GNG2: variants seen among roughly 807,000 people sequenced by gnomAD.
The protein encoded by GNG2 is G protein subunit gamma 2.
GNG2 carries 5 observed loss-of-function variants against 5.5 expected under a neutral mutation model. The observed-to-expected ratio is 0.91, with a 90% CI of 0.48 to 1.92. The LOEUF (loss-of-function observed/expected upper bound fraction) is 1.92. GNG2 is among the 30% of genes most tolerant of loss of function. The probability of loss-of-function intolerance (pLI) is 0.01; values close to 1 mark genes in which losing one functional copy is unlikely to be tolerated. For missense variants in GNG2, 55 were observed against 88.4 expected, an observed-to-expected ratio of 0.62 and a Z score of 1.52; for synonymous variants, 28 against 32.0, an observed-to-expected ratio of 0.88 and a Z score of 0.42.
chr14:51,942,678 C>A (rs760332444), intron 2 of GNG2, among the ~76,000 whole-genome samples: 2 of 148,506 alleles, frequency 1.3e-5, no homozygotes, highest in African/African-American at 5.0e-5. Flanking sequence ...CCCTTCTCAG[C>A]GCCCCCAAGT....
chr14:51,832,840 A>G (rs1881234658), intron 2 of GNG2, among the ~76,000 whole-genome samples: 1 of 152,236 alleles, frequency 6.6e-6, no homozygotes, highest in Non-Finnish European at 1.5e-5. Context: ...GAGGGCTTCA[A>G]TATACAAATT....
intron 2 of GNG2, among the ~76,000 whole-genome samples, chr14:51,898,435 C>T (rs976153193): frequency 2.0e-5 from 3 of 152,052 alleles, no homozygotes; most frequent in Non-Finnish European, 4.4e-5. Flanking sequence ...GGATGGTTCT[C>T]AGAGCTCTTC....
intron 2 of GNG2, among the ~76,000 whole-genome samples, chr14:51,916,829 G>T (rs1886674359): frequency 6.6e-6 from 1 of 152,202 alleles, no homozygotes; most frequent in Non-Finnish European, 1.5e-5. Flanking sequence ...TTAAAATTCA[G>T]AGAAGAAGGT....
At chr14:51,896,918 C>T (rs1885229077) in intron 2 of GNG2, among the ~76,000 whole-genome samples, 1 of 152,006 alleles carries the variant, frequency 6.6e-6, no homozygotes, top group Non-Finnish European at 1.5e-5. Flanking sequence ...CATTATTGAA[C>T]ATAACATAAA....
chr14:51,859,892 A>G (rs964155515), upstream of GNG2, among the ~76,000 whole-genome samples: 14 of 152,170 alleles, frequency 9.2e-5, no homozygotes, highest in African/African-American at 3.4e-4. Flanking sequence ...CTTCCCATCT[A>G]TGAGAATCTT....
intron 2 of GNG2, among the ~76,000 whole-genome samples, chr14:51,838,464 T>TTAA (rs1286811120): frequency 1.3e-5 from 2 of 151,686 alleles, no homozygotes; most frequent in Non-Finnish European, 2.9e-5. Context: ...GGGGGGGTTA[T>TTAA]TAATCCCATT....
rs1555359232 is a variant in GNG2 at position 51,966,888 on chromosome 14, A to C, written c.*201A>C. The C allele has an allele frequency of 7.0e-5, 27 of 385,990 alleles. 1 individual carries two copies. The South Asian group carries it at 1.1e-3, about 16-fold the overall frequency. The allele number at this position is 385,990 out of a possible 1,614,324, so 23.9% of individuals were successfully genotyped here. ...TCCACATCCTGACTTAAGAGATCTG[A>C]TTCTGACGAACTGCCTGGAGGAGGG... On this transcript the variant is annotated 3_prime_UTR_variant, in exon 4 of 4. Coordinates refer to ENST00000556766, the MANE Select transcript of GNG2 (RefSeq NM_053064.5).
chr14:51,863,689 C>A (rs924722208), intron 1 of GNG2, among the ~76,000 whole-genome samples: 1 of 152,014 alleles, frequency 6.6e-6, no homozygotes, highest in Non-Finnish European at 1.5e-5. Flanking sequence ...CTCCTCTTTC[C>A]CTCCTTCTCT....
At chr14:51,883,408 C>A (rs968943193) in intron 2 of GNG2, among the ~76,000 whole-genome samples, 2 of 152,182 alleles carry the variant, frequency 1.3e-5, no homozygotes, top group Non-Finnish European at 2.9e-5. Context: ...TGCCATGTAA[C>A]CTTTAATTTC....
rs183583900 is a variant in GNG2 at position 51,938,222 on chromosome 14, C to G, written c.-29-12428C>G. 1.1e-4 allele frequency among the ~76,000 whole-genome samples: 16 copies of G among 152,264 alleles called. No individual in the cohort carries two copies. In the East Asian group the frequency reaches 3.1e-3, roughly 29 times the overall value. On this transcript the variant is annotated intron_variant, in intron 2 of 3. Coordinates refer to ENST00000556766, the MANE Select transcript of GNG2 (RefSeq NM_053064.5). ...CAACCCTCCCTCAAAAAATTTCCCCCGCTTAGGATTGCTCATGAAGTTCTT... is the reference window on the plus strand; with the variant it reads ...CAACCCTCCCTCAAAAAATTTCCCCGGCTTAGGATTGCTCATGAAGTTCTT...
At chr14:51,854,249 T>C (rs1207731541) in intron 2 of GNG2, among the ~76,000 whole-genome samples, 1 of 152,238 alleles carries the variant, frequency 6.6e-6, no homozygotes, top group Non-Finnish European at 1.5e-5. Context: ...TCAGTGTTTC[T>C]GTTTTTATGG....
upstream of GNG2, among the ~76,000 whole-genome samples, chr14:51,859,961 C>T (rs941371068): frequency 6.6e-6 from 1 of 152,164 alleles, no homozygotes; most frequent in Non-Finnish European, 1.5e-5. Context: ...GTTTAGTTCC[C>T]GTGCCCCATA....
chr14:51,870,464 A>G (rs1469470760), intron 1 of GNG2, among the ~76,000 whole-genome samples: 1 of 152,248 alleles, frequency 6.6e-6, no homozygotes, highest in East Asian at 1.9e-4. Flanking sequence ...TGTAAAATAT[A>G]TATATAATTA....
chr14:51,887,155 G>A (rs549160783), intron 2 of GNG2, among the ~76,000 whole-genome samples: 43 of 152,274 alleles, frequency 2.8e-4, no homozygotes, highest in African/African-American at 9.4e-4. Flanking sequence ...CACAGAGAGA[G>A]AAAACCACCC....
chr14:51,830,576 A>G (rs1398431337), intron 2 of GNG2, among the ~76,000 whole-genome samples: 1 of 152,208 alleles, frequency 6.6e-6, no homozygotes, highest in Non-Finnish European at 1.5e-5. Flanking sequence ...TAATTAAGCC[A>G]AAAAGCAGAG....
At chr14:51,920,438 A>G (rs1412795923) in intron 2 of GNG2, among the ~76,000 whole-genome samples, 1 of 151,874 alleles carries the variant, frequency 6.6e-6, no homozygotes, top group Non-Finnish European at 1.5e-5. Context: ...AATTACAAGA[A>G]AAAAGTCTGT....
At chr14:51,838,001 C>T (rs1450734596) in intron 2 of GNG2, among the ~76,000 whole-genome samples, 3 of 152,046 alleles carry the variant, frequency 2.0e-5, no homozygotes, top group East Asian at 3.8e-4. Flanking sequence ...ACAAAAGTAC[C>T]CACCTGGAGA....
chr14:51,948,779 T>C (rs1888789702), intron 2 of GNG2, among the ~76,000 whole-genome samples: 1 of 152,178 alleles, frequency 6.6e-6, no homozygotes, highest in Non-Finnish European at 1.5e-5. Flanking sequence ...ACTTCAAAAA[T>C]TCCTTCAATC....
chr14:51,906,757 C>CTTTTTTTTTTTTTTTTTTT lies in GNG2; in HGVS notation c.-30+29116_-30+29117insTTTTTTTTTTTTTTTTTTT, dbSNP rs34240079. ...TTGCATGCAGCCTGCTGGAGAATCTCTTTTTTTTTTTTTTTTGAGACGGAG... is the reference window on the plus strand; with the variant it reads ...TTGCATGCAGCCTGCTGGAGAATCTCTTTTTTTTTTTTTTTTTTTTTTTTTTTTTTTTTTTGAGACGGAG... On this transcript the variant is annotated intron_variant, in intron 2 of 3. Coordinates refer to ENST00000556766, the MANE Select transcript of GNG2 (RefSeq NM_053064.5). Among the ~76,000 whole-genome samples, 8 of 105,306 alleles carry CTTTTTTTTTTTTTTTTTTT rather than the reference C, an allele frequency of 7.6e-5. 1 individual carries two copies. Among genetic ancestry groups the CTTTTTTTTTTTTTTTTTTT allele is most frequent in the Non-Finnish European group, 9.0e-5 (5 of 55,844 alleles). 69.1% of individuals were successfully genotyped at this position (105,306 alleles called of 152,430 possible). A position where few individuals can be genotyped will look rare whatever the true frequency, so the allele number is the denominator to read the frequency against.
Sources: gnomAD v4.1 joint callset for allele counts (sites outside exome capture counted in the v4.1 genomes callset) on GRCh38, gnomAD v4.1.1 for gene constraint, MANE v1.5 for transcripts, NCBI Gene and HGNC (gene_info 2026-07-23, HGNC 2026-07-21) for gene names.